Variants in SEC11A observed in about 807,000 individuals in gnomAD.
SEC11A encodes SEC11 homolog A, signal peptidase complex subunit.
A neutral mutation model predicts 25.6 loss-of-function variants in SEC11A; 14 were observed. The observed-to-expected ratio is 0.55, with a 90% CI of 0.36 to 0.85. The LOEUF (loss-of-function observed/expected upper bound fraction) is 0.85, where lower values mean the gene tolerates loss of function less well. Ranked by LOEUF, SEC11A falls within the 40% of genes least tolerant of loss-of-function variation. The pLI is 0.01. For synonymous variants in SEC11A, 83 were observed against 76.4 expected (o/e 1.09, Z -0.45); for missense variants, 153 against 222.9 (o/e 0.69, Z 2.00).
intron 1 of SEC11A, among the ~76,000 whole-genome samples, chr15:84,712,377 A>G (rs1308755719): frequency 6.6e-6 from 1 of 152,184 alleles, no homozygotes; most frequent in African/African-American, 2.4e-5. Context: ...GGTGAAAGGC[A>G]AAACAGTACA....
At chr15:84,714,077 G>A (rs371134298) in intron 1 of SEC11A, among the ~76,000 whole-genome samples, 5 of 140,380 alleles carry the variant, frequency 3.6e-5, no homozygotes, top group East Asian at 2.2e-4. Flanking sequence ...GCTGGAGTGC[G>A]GTGGCACGAT....
intron 1 of SEC11A, among the ~76,000 whole-genome samples, chr15:84,696,118 T>C (rs1897760853): frequency 6.6e-6 from 1 of 152,264 alleles, no homozygotes; most frequent in Middle Eastern, 3.4e-3. Flanking sequence ...CTTTCAGTAA[T>C]AGAGTGATGT....
chr15:84,686,922 G>A (rs1897443881), intron 3 of SEC11A: 1 of 152,186 alleles, frequency 6.6e-6, no homozygotes, highest in Non-Finnish European at 1.5e-5. Flanking sequence ...GCCCAGGCTG[G>A]AGTGCAGTGC....
At chr15:84,715,992 G>A in intron 1 of SEC11A, 33 bp downstream of exon 1, 1 of 1,609,370 alleles carries the variant, frequency 6.2e-7, no homozygotes, top group Non-Finnish European at 8.5e-7. Context: ...GGGACAAGAA[G>A]AGCCAGGAGA....
rs868582519 is a variant in SEC11A, at chr15:84,700,639, A to C, written c.52-8995T>G. On this transcript the variant is annotated intron_variant, in intron 1 of 5. Coordinates refer to ENST00000268220, the MANE Select transcript of SEC11A (RefSeq NM_014300.4). ...AAAAAAAAAAAAAAAAAAAAAAAAA[A>C]AGGTAGGGGAAAAGTTAGCACATTA... Among the ~76,000 whole-genome samples the C allele has an allele frequency of 3.3e-3, 422 of 126,802 alleles. 3 individuals carry two copies. The highest frequency in any genetic ancestry group is 0.012 in the African/African-American group (406 of 34,718). 83.2% of individuals were successfully genotyped at this position (126,802 alleles called of 152,430 possible).
At chr15:84,686,483 TGCC>T (rs1897426098) in intron 3 of SEC11A, 2 of 152,222 alleles carry the variant, frequency 1.3e-5, no homozygotes, top group Non-Finnish European at 2.9e-5. Flanking sequence ...TGGTGGCACA[TGCC>T]TGTAATCCCA....
At chr15:84,671,899 G>A (rs1044812751) in intron 4 of SEC11A, 7 of 152,220 alleles carry the variant, frequency 4.6e-5, no homozygotes, top group African/African-American at 1.7e-4. Context: ...ACGGCAGAAA[G>A]AGAAAATTAG....
intron 1 of SEC11A, among the ~76,000 whole-genome samples, chr15:84,706,913 G>C (rs1219924223): frequency 6.6e-6 from 1 of 152,204 alleles, no homozygotes; most frequent in Non-Finnish European, 1.5e-5. Context: ...TGGTAAGACA[G>C]ACACTGACAG....
chr15:84,684,587 T>G (rs1398361261), intron 3 of SEC11A, among the ~76,000 whole-genome samples: 1 of 152,118 alleles, frequency 6.6e-6, no homozygotes, highest in Non-Finnish European at 1.5e-5. Flanking sequence ...ACTAAATACA[T>G]ACATTTTGAA....
chr15:84,698,471 G>T (rs935718108), intron 1 of SEC11A, among the ~76,000 whole-genome samples: 1 of 152,112 alleles, frequency 6.6e-6, no homozygotes, highest in Non-Finnish European at 1.5e-5. Context: ...ATTACAGAAG[G>T]TATACTGATA....
At chr15:84,685,668 A>G (rs1897398539) in intron 3 of SEC11A, among the ~76,000 whole-genome samples, 1 of 152,104 alleles carries the variant, frequency 6.6e-6, no homozygotes, top group Non-Finnish European at 1.5e-5. Flanking sequence ...TCTCTGATAT[A>G]TTTAGGGGAA....
intron 1 of SEC11A, chr15:84,714,888 A>G (rs1056068210): frequency 2.6e-5 from 4 of 152,234 alleles, no homozygotes; most frequent in African/African-American, 7.2e-5. Flanking sequence ...TACAATAAAT[A>G]TCAGACTCAA....
intron 4 of SEC11A, chr15:84,679,967 A>C (rs1358100269): frequency 6.5e-7 from 1 of 1,527,314 alleles, no homozygotes; most frequent in South Asian, 1.2e-5. Context: ...CTCCTGATAA[A>C]ATCTGAAACA....
chr15:84,696,861 G>A (rs1231408767), intron 1 of SEC11A, among the ~76,000 whole-genome samples: 1 of 152,006 alleles, frequency 6.6e-6, no homozygotes, highest in African/African-American at 2.4e-5. Context: ...TACCTAATTA[G>A]ACATTTAATA....
chr15:84,713,854 T>C (rs1010481160), intron 1 of SEC11A, among the ~76,000 whole-genome samples: 1 of 152,116 alleles, frequency 6.6e-6, no homozygotes, highest in Middle Eastern at 3.2e-3. Context: ...TCTTTCAAGA[T>C]CCAACTTAAA....
intron 4 of SEC11A, among the ~76,000 whole-genome samples, chr15:84,674,440 C>A (rs1245385643): frequency 6.6e-6 from 1 of 152,046 alleles, no homozygotes; most frequent in East Asian, 1.9e-4. Context: ...CAATAAGCAG[C>A]CATTCTAATA....
At chr15:84,690,021 C>A (rs964655657) in intron 2 of SEC11A, among the ~76,000 whole-genome samples, 5 of 152,108 alleles carry the variant, frequency 3.3e-5, no homozygotes, top group African/African-American at 1.2e-4. Flanking sequence ...GTAATCCCAG[C>A]ATGTTGGGAG....
intron 4 of SEC11A, among the ~76,000 whole-genome samples, chr15:84,677,246 C>G (rs1440146261): frequency 6.6e-6 from 1 of 152,026 alleles, no homozygotes; most frequent in East Asian, 1.9e-4. Flanking sequence ...TGTTCCATTA[C>G]GTGTCAAGCT....
chr15:84,687,773 C>T lies in SEC11A; in HGVS notation c.163G>A (p.Gly55Ser), dbSNP rs774643869. 1.9e-6 allele frequency: 3 copies of T among 1,589,466 alleles called. No homozygotes were observed. Among genetic ancestry groups the T allele is most frequent in the Non-Finnish European group, 2.6e-6 (3 of 1,173,794 alleles). The change falls in exon 3 of 6, where the codon GGC becomes AGC. Residue 55 changes from glycine (G) to serine (S), a missense_variant and splice_region_variant. Transcript: ENST00000268220. ...SESPIVVVLSGSMEPAFHRGD... is the reference protein window; with the variant it reads ...SESPIVVVLSSSMEPAFHRGD... ...CTATGAAATGCAGGTTCCATGCTGC[C>T]ACTGGAAGGGAAAGAAGAATATAAC...
Sources: gnomAD v4.1 joint callset for allele counts (sites outside exome capture counted in the v4.1 genomes callset) on GRCh38, gnomAD v4.1.1 for gene constraint, MANE v1.5 for transcripts, NCBI Gene and HGNC (gene_info 2026-07-23, HGNC 2026-07-21) for gene names.